Variants in ZZEF1 observed in about 807,000 individuals in gnomAD.
ZZEF1 encodes the protein zinc finger ZZ-type and EF-hand domain containing 1, also known as zinc finger ZZ-type and EF-hand domain-containing protein 1.
A neutral mutation model predicts 342.8 loss-of-function variants in ZZEF1; 157 were observed. That is an observed-to-expected ratio of 0.46 (90% CI 0.40 to 0.52). The LOEUF is 0.52. Ranked by LOEUF, ZZEF1 falls within the 20% of genes least tolerant of loss-of-function variation. The probability of loss-of-function intolerance (pLI) is 0.00; values close to 1 mark genes in which losing one functional copy is unlikely to be tolerated. For missense variants in ZZEF1, 3,480 were observed against 3,725.6 expected (o/e 0.93, Z 1.72); for synonymous variants, 1,505 against 1,429.1 (o/e 1.05, Z -1.20).
chr17:4,051,320 T>C (rs969130297), intron 35 of ZZEF1, among the ~76,000 whole-genome samples: 2 of 152,198 alleles, frequency 1.3e-5, no homozygotes, highest in Non-Finnish European at 2.9e-5. Context: ...TTGGAAGGTG[T>C]GGTAATAGCA....
intron 2 of ZZEF1, among the ~76,000 whole-genome samples, chr17:4,123,156 G>A (rs1444378766): frequency 1.3e-5 from 2 of 150,420 alleles, no homozygotes; most frequent in African/African-American, 4.9e-5. Context: ...TCCTGACCTC[G>A]TGATCCGCCC....
At chr17:4,092,199 C>T (rs756110518) in intron 11 of ZZEF1, among the ~76,000 whole-genome samples, 16 of 151,610 alleles carry the variant, frequency 1.1e-4, no homozygotes, top group African/African-American at 1.5e-4. Context: ...ACCAAGCTGG[C>T]GACACATTAG....
At chr17:4,061,285 G>T (rs1461337655) in intron 30 of ZZEF1, among the ~76,000 whole-genome samples, 1 of 152,138 alleles carries the variant, frequency 6.6e-6, no homozygotes, top group Non-Finnish European at 1.5e-5. Flanking sequence ...TGACTTCTGG[G>T]ACAACAGCAT....
rs144062406 is a variant in ZZEF1 at position 4,025,065 on chromosome 17, G to A, written c.6946C>T (p.Arg2316Trp). The part of the protein sequence containing the change: ...KGGGQECGDS[R>W]AQLSQYSQHF... Reference sequence around the variant, plus strand: ...TGGGAGTACTGGCTCAGCTGGGCCCGAGAGTCACCACACTCTTGTCCTCCT... The same window carrying A: ...TGGGAGTACTGGCTCAGCTGGGCCCAAGAGTCACCACACTCTTGTCCTCCT... Residue 2316 changes from arginine (R) to tryptophan (W), a missense_variant, in exon 43 of 55, where the codon CGG becomes TGG. Around this residue, in one of 5 missense-constraint regions of ZZEF1, gnomAD observed 1,269 missense variants for 1,342.4 expected, o/e 0.95. Coordinates refer to ENST00000381638, the MANE Select transcript of ZZEF1 (RefSeq NM_015113.4). The A allele has an allele frequency of 8.1e-5, 131 of 1,614,042 alleles. No homozygotes were observed. Among genetic ancestry groups the A allele is most frequent in the Non-Finnish European group, 9.3e-5 (110 of 1,180,034 alleles).
intron 37 of ZZEF1, 52 bp downstream of exon 37, chr17:4,049,656 C>T (rs2057002108): frequency 5.0e-6 from 8 of 1,607,456 alleles, no homozygotes; most frequent in Non-Finnish European, 6.8e-6. Context: ...GAGTGAATGG[C>T]TCTCTCTAGA....
In ZZEF1 at chr17:4,117,081, G is replaced by GAGCC; in HGVS notation, c.581_584dup (p.Ser196AlafsTer16). 1 of 1,614,188 alleles carries GAGCC rather than the reference G, an allele frequency of 6.2e-7. No homozygotes were observed. Among genetic ancestry groups the GAGCC allele is most frequent in the Non-Finnish European group, 8.5e-7 (1 of 1,180,034 alleles). On this transcript the variant is annotated frameshift_variant, in exon 3 of 55. Transcript: ENST00000381638. LOFTEE classifies it high-confidence loss of function. ...TCGGGTAGGGCATCACCGCGCTGGA[G>GAGCC]AGCCGATTGCGGTGCAGGAAGCGCA...
chr17:4,054,019 T>C (rs921703395), intron 34 of ZZEF1, 38 bp downstream of exon 34: 11 of 1,570,366 alleles, frequency 7.0e-6, no homozygotes, highest in Non-Finnish European at 9.5e-6. Flanking sequence ...GAAGTGATAT[T>C]GCCTTTGGAT....
intron 42 of ZZEF1, among the ~76,000 whole-genome samples, chr17:4,029,639 G>T (rs1257487414): frequency 1.3e-5 from 2 of 152,100 alleles, no homozygotes; most frequent in African/African-American, 4.8e-5. Flanking sequence ...ACTTTGGAAG[G>T]CTGAGGCGGG....
intron 9 of ZZEF1, among the ~76,000 whole-genome samples, chr17:4,100,553 A>T (rs2058109809): frequency 6.6e-6 from 1 of 152,212 alleles, no homozygotes; most frequent in Admixed American, 6.5e-5. Flanking sequence ...GGCAAAATCT[A>T]TTACCAGGAG....
chr17:4,119,977 A>G (rs776138992), intron 2 of ZZEF1, among the ~76,000 whole-genome samples: 5 of 152,084 alleles, frequency 3.3e-5, no homozygotes, highest in Non-Finnish European at 7.4e-5. Flanking sequence ...TTAGAGGTAG[A>G]CTCCTTAGCA....
At chr17:4,053,391 A>G (rs2057090862) in intron 34 of ZZEF1, among the ~76,000 whole-genome samples, 1 of 152,216 alleles carries the variant, frequency 6.6e-6, no homozygotes, top group Admixed American at 6.5e-5. Flanking sequence ...TTTCCTACAC[A>G]TCATCCAGTT....
rs57925351 is a variant in ZZEF1, at chr17:4,112,033, AATATATATATATATATATATAT to A, written c.1066+554_1066+575del. Among the ~76,000 whole-genome samples the A allele has an allele frequency of 8.6e-3, 470 of 54,414 alleles. 14 individuals carry two copies. Among genetic ancestry groups the A allele is most frequent in the Non-Finnish European group, 0.013 (321 of 25,330 alleles). The allele number at this position is 54,414 out of a possible 152,430, so 35.7% of individuals were successfully genotyped here. A position where few individuals can be genotyped will look rare whatever the true frequency, so the allele number is the denominator to read the frequency against. ...GGGTGACAAAAAGAGATCCTGTCTA[AATATATATATATATATATATAT>A]ATATATATATATATATATATATATA... On this transcript the variant is annotated intron_variant, in intron 5 of 54. Coordinates refer to ENST00000381638, the MANE Select transcript of ZZEF1 (RefSeq NM_015113.4).
chr17:4,011,312 G>C (rs2055948010), intron 52 of ZZEF1, among the ~76,000 whole-genome samples: 1 of 152,022 alleles, frequency 6.6e-6, no homozygotes, highest in Non-Finnish European at 1.5e-5. Context: ...CTGAGGGGAG[G>C]GGGGTCACTT....
At chr17:4,126,304 C>T (rs1238964204) in intron 1 of ZZEF1, among the ~76,000 whole-genome samples, 2 of 151,444 alleles carry the variant, frequency 1.3e-5, no homozygotes, top group Non-Finnish European at 1.5e-5. Flanking sequence ...TTCAGAGCAG[C>T]GTCTGGACAA....
chr17:4,099,562 T>C (rs1162667556), intron 9 of ZZEF1, among the ~76,000 whole-genome samples: 1 of 150,074 alleles, frequency 6.7e-6, no homozygotes, highest in South Asian at 2.1e-4. Flanking sequence ...TTTTTTTTTT[T>C]GAGACAGAGT....
intron 12 of ZZEF1, 26 bp from the exon 13 acceptor site, chr17:4,088,919 T>C (rs763966228): frequency 1.4e-5 from 23 of 1,607,916 alleles, no homozygotes; most frequent in South Asian, 3.3e-5. Context: ...GAGATTTCAA[T>C]AGAAGAACTC....
At position 4,102,517 on chromosome 17, in the gene ZZEF1, CT is replaced by C. The variant is rs1353073663; in HGVS notation, c.1574-103del. 9.3e-6 allele frequency: 9 copies of C among 963,292 alleles called. No individual in the cohort carries two copies. In the African/African-American group the frequency reaches 1.5e-4, roughly 16 times the overall value. 59.7% of individuals were successfully genotyped at this position (963,292 alleles called of 1,614,324 possible). A position where few individuals can be genotyped will look rare whatever the true frequency, so the allele number is the denominator to read the frequency against. On this transcript the variant is annotated intron_variant, in intron 8 of 54. Coordinates refer to ENST00000381638, the MANE Select transcript of ZZEF1 (RefSeq NM_015113.4). Reference sequence around the variant, plus strand: ...TAGAGTCCTGTGGCTACCCAGACTGCTAACTAAAAATCTCCCTGTTTAAAAG... The same window carrying C: ...TAGAGTCCTGTGGCTACCCAGACTGCAACTAAAAATCTCCCTGTTTAAAAG...
intron 34 of ZZEF1, among the ~76,000 whole-genome samples, chr17:4,053,380 G>A (rs1226402175): frequency 2.0e-5 from 3 of 152,186 alleles, no homozygotes; most frequent in Admixed American, 6.5e-5. Context: ...CATCCCCAAC[G>A]TTTCCTACAC....
chr17:4,061,224 A>T (rs1567804636), intron 30 of ZZEF1, among the ~76,000 whole-genome samples: 3 of 152,042 alleles, frequency 2.0e-5, no homozygotes. Flanking sequence ...TTTCTTTTCC[A>T]GGGAAGGGCA....
Sources: gnomAD v4.1 joint callset for allele counts (sites outside exome capture counted in the v4.1 genomes callset) on GRCh38, gnomAD v4.1.1 for gene constraint, gnomAD v4.1.1 regional missense constraint, MANE v1.5 for transcripts, NCBI Gene and HGNC (gene_info 2026-07-23, HGNC 2026-07-21) for gene names.